The following SCAPER variants were observed in gnomAD, a reference collection of about 807,000 sequenced individuals.
SCAPER encodes S phase cyclin A-associated protein in the endoplasmic reticulum.
SCAPER carries 98 observed loss-of-function variants against 182.2 expected under a neutral mutation model. That is an observed-to-expected ratio of 0.54 (90% confidence interval 0.46 to 0.64). The LOEUF is 0.64. Among genes scored for constraint, SCAPER ranks in the 30% least tolerant of loss-of-function variants. SCAPER has a pLI of 0.00. For synonymous variants in SCAPER, 605 were observed against 564.6 expected (o/e 1.07, Z -1.01); for missense variants, 1,432 against 1,690.0 (o/e 0.85, Z 2.68).
intron 9 of SCAPER, among the ~76,000 whole-genome samples, chr15:76,774,020 T>A (rs1294745254): frequency 6.6e-6 from 1 of 151,866 alleles, no homozygotes; most frequent in African/African-American, 2.4e-5. Flanking sequence ...ACTGGGAATA[T>A]TAACTTTAAG....
At chr15:76,584,066 C>G (rs2048456743) in intron 22 of SCAPER, among the ~76,000 whole-genome samples, 2 of 152,102 alleles carry the variant, frequency 1.3e-5, no homozygotes, top group South Asian at 4.1e-4. Context: ...AGTATATGTA[C>G]AGAATGGAAT....
intron 23 of SCAPER, among the ~76,000 whole-genome samples, chr15:76,530,828 G>A (rs569515077): frequency 4.6e-5 from 7 of 152,104 alleles, no homozygotes; most frequent in East Asian, 3.9e-4. Context: ...AGGGAAGTAC[G>A]TAGAGATTTT....
intron 5 of SCAPER, among the ~76,000 whole-genome samples, chr15:76,812,781 T>C (rs1034438619): frequency 4.0e-5 from 6 of 151,506 alleles, no homozygotes; most frequent in Non-Finnish European, 5.9e-5. Context: ...AGTAACAAAA[T>C]GACTGAAATA....
intron 23 of SCAPER, among the ~76,000 whole-genome samples, chr15:76,544,675 G>A (rs2045095035): frequency 6.6e-6 from 1 of 152,116 alleles, no homozygotes; most frequent in South Asian, 2.1e-4. Flanking sequence ...GTGGGAAATG[G>A]GGCGTGACTG....
At chr15:76,468,965 T>C (rs157779) in intron 25 of SCAPER, among the ~76,000 whole-genome samples, 28,879 of 152,046 alleles carry the variant, frequency 0.19, 3,186 homozygotes, top group African/African-American at 0.31. Context: ...CCATAACCTA[T>C]GGTGGTACTT....
chr15:76,720,916 G>C (rs1324881364), intron 17 of SCAPER, among the ~76,000 whole-genome samples: 1 of 152,104 alleles, frequency 6.6e-6, no homozygotes, highest in Admixed American at 6.5e-5. Flanking sequence ...CTGTGCAGAA[G>C]GTCTTTAGTT....
intron 10 of SCAPER, among the ~76,000 whole-genome samples, chr15:76,768,239 A>G (rs886740818): frequency 1.3e-5 from 2 of 152,158 alleles, no homozygotes; most frequent in Non-Finnish European, 2.9e-5. Context: ...CCACACAAAA[A>G]CTGTTATGCA....
At chr15:76,575,341 G>A (rs1208461771) in intron 22 of SCAPER, among the ~76,000 whole-genome samples, 1 of 151,990 alleles carries the variant, frequency 6.6e-6, no homozygotes, top group Non-Finnish European at 1.5e-5. Context: ...TATCCACAAA[G>A]GTTTGCTTCA....
intron 24 of SCAPER, among the ~76,000 whole-genome samples, chr15:76,487,812 G>A (rs2143163802): frequency 6.6e-6 from 1 of 152,246 alleles, no homozygotes; most frequent in East Asian, 1.9e-4. Flanking sequence ...TTGATCCTTT[G>A]ACTTAACTCC....
chr15:76,696,908 A>G (rs2058682336), intron 20 of SCAPER, among the ~76,000 whole-genome samples: 1 of 152,204 alleles, frequency 6.6e-6, no homozygotes, highest in African/African-American at 2.4e-5. Flanking sequence ...AAACAGTAGA[A>G]AAATGTCCCA....
At chr15:76,680,411 GATAATAATAATAATA>G (rs10569185) in intron 20 of SCAPER, among the ~76,000 whole-genome samples, 10,371 of 142,538 alleles carry the variant, frequency 0.073, 504 homozygotes, top group Admixed American at 0.11. Context: ...TGATGATGAT[GATAATAATAATAATA>G]ATAATAATAA....
At chr15:76,885,909 A>G (rs879580166) in intron 1 of SCAPER, among the ~76,000 whole-genome samples, 1 of 152,246 alleles carries the variant, frequency 6.6e-6, no homozygotes, top group Non-Finnish European at 1.5e-5. Flanking sequence ...TCATCTGTTG[A>G]TAGACACAGG....
chr15:76,563,897 T>A (rs1002385975), intron 23 of SCAPER, among the ~76,000 whole-genome samples: 1 of 151,916 alleles, frequency 6.6e-6, no homozygotes, highest in African/African-American at 2.4e-5. Flanking sequence ...ATAAACAGAA[T>A]TAAAGACAAA....
chr15:76,721,228 G>A (rs1380985436), intron 17 of SCAPER, among the ~76,000 whole-genome samples: 1 of 152,032 alleles, frequency 6.6e-6, no homozygotes, highest in Non-Finnish European at 1.5e-5. Flanking sequence ...CAAAGATCAG[G>A]TAGTTGTAGA....
At chr15:76,370,308 T>TTTG (rs2042074429) in intron 29 of SCAPER, among the ~76,000 whole-genome samples, 5 of 138,944 alleles carry the variant, frequency 3.6e-5, no homozygotes, top group African/African-American at 1.1e-4. Flanking sequence ...TTTTTTTTTT[T>TTTG]TTTTTTTTGT....
intron 29 of SCAPER, among the ~76,000 whole-genome samples, chr15:76,361,202 G>C (rs986960974): frequency 1.3e-5 from 2 of 152,062 alleles, no homozygotes; most frequent in Admixed American, 1.3e-4. Flanking sequence ...CTATCACGTT[G>C]TATAAATGTA....
chr15:76,572,913 T>TCACACACACACACACA (rs1481190270), intron 23 of SCAPER, among the ~76,000 whole-genome samples: 6 of 119,380 alleles, frequency 5.0e-5, no homozygotes, highest in African/African-American at 2.1e-4. Context: ...TCTCTCTCTC[T>TCACACACACACACACA]CTCTCTCACA....
At chr15:76,634,929 A>G (rs2053468864) in intron 21 of SCAPER, among the ~76,000 whole-genome samples, 1 of 152,032 alleles carries the variant, frequency 6.6e-6, no homozygotes, top group Non-Finnish European at 1.5e-5. Context: ...AGGTTCTTGA[A>G]ACTGCAATTT....
intron 20 of SCAPER, among the ~76,000 whole-genome samples, chr15:76,695,820 T>C (rs1050780470): frequency 2.6e-5 from 4 of 151,908 alleles, no homozygotes; most frequent in Non-Finnish European, 5.9e-5. Flanking sequence ...TGAATACACA[T>C]ACATTTACAC....
Sources: gnomAD v4.1 joint callset for allele counts (sites outside exome capture counted in the v4.1 genomes callset) on GRCh38, gnomAD v4.1.1 for gene constraint, MANE v1.5 for transcripts, NCBI Gene and HGNC (gene_info 2026-07-23, HGNC 2026-07-21) for gene names.